NPHP3: variants seen among roughly 807,000 people sequenced by gnomAD.
NPHP3 encodes the protein nephrocystin-3.
Under a neutral mutation model 171.9 loss-of-function variants are expected in NPHP3, and 123 were observed. The ratio of observed to expected loss-of-function variants is 0.72; its 90% CI spans 0.62 to 0.83. The LOEUF is 0.83. Ranked by LOEUF, NPHP3 falls within the 40% of genes least tolerant of loss-of-function variation. The pLI is 0.00. For missense variants in NPHP3, 1,506 were observed against 1,591.9 expected (o/e 0.95, Z 0.92); for synonymous variants, 558 against 579.2 (o/e 0.96, Z 0.52).
At chr3:132,707,256 T>G (rs182698180) in intron 7 of NPHP3, among the ~76,000 whole-genome samples, 1 of 152,144 alleles carries the variant, frequency 6.6e-6, no homozygotes, top group African/African-American at 2.4e-5. Flanking sequence ...CTATAAAAAG[T>G]CTCCTCCTGC....
chr3:132,710,766 AAAG>A (rs1939886814), intron 6 of NPHP3, among the ~76,000 whole-genome samples: 1 of 152,192 alleles, frequency 6.6e-6, no homozygotes, highest in African/African-American at 2.4e-5. Context: ...TAAAGGCATT[AAAG>A]AAGAACCCCT....
In NPHP3 at chr3:132,689,131, T is replaced by A. The variant is rs1316507597; in HGVS notation, c.2826A>T (p.Leu942Phe). Residue 942 changes from leucine (L) to phenylalanine (F), a missense_variant, in exon 20 of 27, where the codon TTA (leucine) becomes TTT (phenylalanine). By Grantham distance (22) the Leu-to-Phe change is conservative. Coordinates refer to ENST00000337331, the MANE Select transcript of NPHP3 (RefSeq NM_153240.5). ...NCEGEDNMSC[L>F]ADLYETLGRF... ...GCCCCAAGGTTTCATAAAGATCAGC[T>A]AAGCAACTCATGTTGTCCTCGCCTT... 5 of 1,614,186 alleles carry A rather than the reference T, an allele frequency of 3.1e-6. No individual in the cohort carries two copies. The highest frequency in any genetic ancestry group is 4.2e-6 in the Non-Finnish European group (5 of 1,180,014).
At position 132,686,293 on chromosome 3, in the gene NPHP3, A is replaced by C. The variant is rs1194923121; in HGVS notation, c.3296T>G (p.Leu1099Arg). 2.5e-6 allele frequency: 4 copies of C among 1,613,794 alleles called. No homozygotes were observed. The Admixed American group carries it at 6.7e-5, about 27-fold the overall frequency. The change falls in exon 23 of 27, where the codon CTG (leucine) becomes CGG (arginine). Residue 1099 changes from leucine (L) to arginine (R), a missense_variant. By Grantham distance (102) the Leu-to-Arg change is moderately radical. Transcript: ENST00000337331. ...TPDNARTLNE[L>R]GVLYYLQNNL... ...ATTTTGAAGATAGTAGAGAACACCC[A>C]GTTCATTGAGGGTCCGAGCATTATC...
chr3:132,697,555 C>T (rs528272504), intron 13 of NPHP3, among the ~76,000 whole-genome samples, 193 bp from the exon 14 acceptor site: 80 of 152,100 alleles, frequency 5.3e-4, no homozygotes, highest in African/African-American at 1.5e-3. Flanking sequence ...TTACTTTGAG[C>T]AATGAATCAC....
rs1247653308 is a variant in NPHP3 at position 132,686,333 on chromosome 3, C to T, written c.3256G>A (p.Gly1086Ser). Reference protein sequence around the residue: ...RALQLEELTLGKDTPDNARTL... With the variant: ...RALQLEELTLSKDTPDNARTL... The stretch of plus-strand genomic sequence containing the variant: ...CGAGCATTATCAGGTGTGTCCTTAC[C>T]TAATGTAAGCTCTTCTAACTGTAAA... Residue 1086 changes from glycine (G) to serine (S), a missense_variant, in exon 23 of 27, where the codon GGT becomes AGT. Around this residue, in one of 3 missense-constraint regions of NPHP3, gnomAD observed 569 missense variants for 648.1 expected, o/e 0.88. Coordinates refer to ENST00000337331, the MANE Select transcript of NPHP3 (RefSeq NM_153240.5). 6.2e-7 allele frequency: 1 copy of T among 1,613,830 alleles called. No individual in the cohort carries two copies. Among genetic ancestry groups the T allele is most frequent in the Non-Finnish European group, 8.5e-7 (1 of 1,179,774 alleles).
rs1021922927 is a variant in NPHP3 at position 132,680,849 on chromosome 3, G to T, written c.*1061C>A. Reference sequence around the variant, plus strand: ...TGAGTTTGAGGTAAATGAAGAGACAGATTTAGGCCATCTAAGAAGGAAGAT... The same window carrying T: ...TGAGTTTGAGGTAAATGAAGAGACATATTTAGGCCATCTAAGAAGGAAGAT... On this transcript the variant is annotated 3_prime_UTR_variant, in exon 27 of 27. Coordinates refer to ENST00000337331, the MANE Select transcript of NPHP3 (RefSeq NM_153240.5). The T allele has an allele frequency of 1.6e-4, 25 of 152,122 alleles. No homozygotes were observed. The highest frequency in any genetic ancestry group is 5.8e-4 in the African/African-American group (24 of 41,436). The allele number at this position is 152,122 out of a possible 1,614,324, so 9.4% of individuals were successfully genotyped here. A position where few individuals can be genotyped will look rare whatever the true frequency, so the allele number is the denominator to read the frequency against.
intron 1 of NPHP3, among the ~76,000 whole-genome samples, chr3:132,721,043 G>A (rs1210247437): frequency 6.6e-6 from 1 of 151,974 alleles, no homozygotes; most frequent in Non-Finnish European, 1.5e-5. Context: ...TCAGCCTCCT[G>A]AGTAGCTGGG....
rs1489156590 is a variant in NPHP3, at chr3:132,682,730, T to C, written c.3785A>G (p.Glu1262Gly). ...SLGRMHPRVG[E>G]TLKNLAVLSY... is the part of the protein sequence containing the mutation. ...AAGCACAGCTAAATTTTTCAGTGTT[T>C]CTCCAACTCGAGGATGCATCCGACC... Residue 1262 changes from glutamate (E) to glycine (G), a missense_variant, in exon 26 of 27, where the codon GAA becomes GGA. Glu to Gly is a moderately conservative substitution (Grantham distance 98, BLOSUM62 -2). Coordinates refer to ENST00000337331, the MANE Select transcript of NPHP3 (RefSeq NM_153240.5). 3 of 1,612,376 alleles carry C rather than the reference T, an allele frequency of 1.9e-6. No homozygotes were observed. Among genetic ancestry groups the C allele is most frequent in the Admixed American group, 1.7e-5 (1 of 60,022 alleles).
rs751466877 is a variant in NPHP3, at chr3:132,722,364, T to C, written c.-9A>G. 6.7e-5 allele frequency: 105 copies of C among 1,575,556 alleles called. No individual in the cohort carries two copies. Among genetic ancestry groups the C allele is most frequent in the Non-Finnish European group, 2.9e-5 (34 of 1,170,516 alleles). On this transcript the variant is annotated 5_prime_UTR_variant, in exon 1 of 27. Coordinates refer to ENST00000337331, the MANE Select transcript of NPHP3 (RefSeq NM_153240.5). Reference sequence around the variant, plus strand: ...GACGAGGCGGTCCCCATGGCGTCCGTTGCCGCTACTACCTAGTGAGTACCA... The same window carrying C: ...GACGAGGCGGTCCCCATGGCGTCCGCTGCCGCTACTACCTAGTGAGTACCA...
At chr3:132,686,571 A>G (rs1939169632) in intron 22 of NPHP3, among the ~76,000 whole-genome samples, 184 bp from the exon 23 acceptor site, 1 of 152,232 alleles carries the variant, frequency 6.6e-6, no homozygotes, top group Non-Finnish European at 1.5e-5. Flanking sequence ...ATGGCAACAC[A>G]TTCTAAAATT....
intron 9 of NPHP3, among the ~76,000 whole-genome samples, chr3:132,701,787 C>T (rs748066869): frequency 2.6e-5 from 4 of 152,178 alleles, no homozygotes; most frequent in African/African-American, 9.7e-5. Flanking sequence ...CTTTGGGAGG[C>T]TGAGGCGGGT....
intron 13 of NPHP3, among the ~76,000 whole-genome samples, chr3:132,698,226 G>A (rs973491827): frequency 3.3e-5 from 5 of 151,766 alleles, no homozygotes; most frequent in South Asian, 2.1e-4. Flanking sequence ...CGATCCACCC[G>A]CCTCGGCCTC....
At position 132,686,761 on chromosome 3, in the gene NPHP3, T is replaced by C. The variant is rs1939172836; in HGVS notation, c.3202-374A>G. Among the ~76,000 whole-genome samples the C allele has an allele frequency of 2.0e-5, 3 of 152,188 alleles. No individual in the cohort carries two copies. The South Asian group carries it at 6.2e-4, about 31-fold the overall frequency. On this transcript the variant is annotated intron_variant, in intron 22 of 26. Transcript: ENST00000337331. ...TTTTAAATTAAAGAAATATGCTACA[T>C]TTAGATTTTATCAGCAACTTAAAAA...
At chr3:132,720,662 C>A (rs1212049373) in intron 1 of NPHP3, among the ~76,000 whole-genome samples, 2 of 151,376 alleles carry the variant, frequency 1.3e-5, no homozygotes, top group African/African-American at 2.4e-5. Context: ...AAAACAAAAA[C>A]AACAACAACA....
chr3:132,721,778 T>C, intron 1 of NPHP3, 185 bp downstream of exon 1: 1 of 822,948 alleles, frequency 1.2e-6, no homozygotes, highest in Non-Finnish European at 2.0e-6. Flanking sequence ...CGAGACCCTG[T>C]CTCCAAAAAA....
chr3:132,696,785 G>A lies in NPHP3; in HGVS notation c.2117C>T (p.Ser706Phe), dbSNP rs773346395. 1.1e-5 allele frequency: 17 copies of A among 1,614,082 alleles called. No homozygotes were observed. The highest frequency in any genetic ancestry group is 1.4e-5 in the Non-Finnish European group (17 of 1,179,992). ...QEKKLERHCR[S>F]ATTCNALYVT... ...ATAAAGGGCATTGCAGGTTGTAGCAGAACGACAGTGTCGTTCTAGCTTCTT... is the reference window on the plus strand; with the variant it reads ...ATAAAGGGCATTGCAGGTTGTAGCAAAACGACAGTGTCGTTCTAGCTTCTT... The change falls in exon 15 of 27, where the codon TCT (serine) becomes TTT (phenylalanine). Residue 706 changes from serine (S) to phenylalanine (F), a missense_variant. Physicochemically the swap from Ser to Phe is radical, Grantham distance 155. This residue lies in a region of NPHP3 where 930 missense variants were observed against 924.9 expected (regional missense o/e 1.01). Coordinates refer to ENST00000337331, the MANE Select transcript of NPHP3 (RefSeq NM_153240.5).
intron 10 of NPHP3, 94 bp downstream of exon 10, chr3:132,701,336 G>A: frequency 2.4e-6 from 2 of 821,112 alleles, no homozygotes; most frequent in South Asian, 1.4e-5. Context: ...GTTTAGTGTA[G>A]GCCGCGCAGG....
chr3:132,684,584 C>T lies in NPHP3; in HGVS notation c.3540G>A (p.Val1180=), dbSNP rs1939108951. 1 of 1,613,896 alleles carries T rather than the reference C, an allele frequency of 6.2e-7. No homozygotes were observed. Residue 1180 remains valine, a synonymous_variant, in exon 24 of 27, where the codon GTG becomes GTA. Transcript: ENST00000337331. ...APDHPSLAYT[V]KHLAILYKKM... ...TCTTATACAAGATGGCAAGATGCTT[C>T]ACCGTATATGCCAAAGAAGGGTGAT...
chr3:132,694,740 C>T, intron 16 of NPHP3, 87 bp downstream of exon 16: 5 of 1,524,004 alleles, frequency 3.3e-6, no homozygotes, highest in Non-Finnish European at 4.5e-6. Flanking sequence ...TATTTAAGCA[C>T]AAATTTTAAA....
Sources: allele counts gnomAD v4.1 joint callset (sites outside exome capture counted in the v4.1 genomes callset), GRCh38; gene constraint gnomAD v4.1.1; regional missense constraint gnomAD v4.1.1; transcripts MANE v1.5; gene names NCBI Gene and HGNC (gene_info 2026-07-23, HGNC 2026-07-21).